STAU2: variants seen among roughly 807,000 people sequenced by gnomAD.
The protein encoded by STAU2 is staufen double-stranded RNA binding protein 2.
Under a neutral mutation model 65.9 loss-of-function variants are expected in STAU2, and 20 were observed. The ratio of observed to expected loss-of-function variants is 0.30; its 90% CI spans 0.21 to 0.44. STAU2 has a LOEUF of 0.44. Among genes scored for constraint, STAU2 ranks in the 20% least tolerant of loss-of-function variants. The pLI is 1.00. For synonymous variants in STAU2, 232 were observed against 233.9 expected (o/e 0.99, Z 0.07); for missense variants, 558 against 683.9 (o/e 0.82, Z 2.05).
chr8:73,690,700 A>G (rs946554231), intron 4 of STAU2, among the ~76,000 whole-genome samples: 9 of 152,156 alleles, frequency 5.9e-5, no homozygotes, highest in Admixed American at 5.9e-4. Flanking sequence ...CGATCGGTGA[A>G]TCTAAACCAT....
intron 6 of STAU2, among the ~76,000 whole-genome samples, chr8:73,640,199 C>T (rs1225193069): frequency 6.6e-6 from 1 of 151,556 alleles, no homozygotes; most frequent in Non-Finnish European, 1.5e-5. Context: ...TAATAATACA[C>T]ATCATATACT....
chr8:73,535,587 G>T (rs368385187), intron 13 of STAU2, among the ~76,000 whole-genome samples: 3 of 152,020 alleles, frequency 2.0e-5, no homozygotes, highest in Admixed American at 6.5e-5. Flanking sequence ...CATTTCCATC[G>T]AAAGAAAACA....
At chr8:73,502,654 C>T (rs1232057140) in intron 13 of STAU2, among the ~76,000 whole-genome samples, 8 of 152,142 alleles carry the variant, frequency 5.3e-5, no homozygotes, top group African/African-American at 1.9e-4. Context: ...TCAAAGGTCA[C>T]CTTCTGCATA....
chr8:73,427,408 G>C (rs1816905044), intron 13 of STAU2, among the ~76,000 whole-genome samples: 1 of 152,114 alleles, frequency 6.6e-6, no homozygotes, highest in South Asian at 2.1e-4. Context: ...TGTTCATCCT[G>C]GTTGTTGACC....
intron 1 of STAU2, among the ~76,000 whole-genome samples, chr8:73,742,945 C>T (rs570261478): frequency 3.3e-5 from 5 of 152,124 alleles, no homozygotes; most frequent in African/African-American, 1.2e-4. Context: ...ACCCATCCTA[C>T]AGTTGATAGG....
At chr8:73,745,794 T>C (rs1040521132) in intron 1 of STAU2, among the ~76,000 whole-genome samples, 24 of 152,048 alleles carry the variant, frequency 1.6e-4, no homozygotes, top group African/African-American at 5.6e-4. Context: ...TATGGACCCT[T>C]ACCAAAGAAA....
intron 13 of STAU2, among the ~76,000 whole-genome samples, chr8:73,453,988 C>T (rs1818934564): frequency 6.6e-6 from 1 of 152,078 alleles, no homozygotes; most frequent in East Asian, 1.9e-4. Context: ...AGCCAGAAAA[C>T]AAATGTACAC....
chr8:73,572,810 T>C (rs1007640706), intron 12 of STAU2, among the ~76,000 whole-genome samples: 34 of 152,140 alleles, frequency 2.2e-4, no homozygotes, highest in Non-Finnish European at 2.1e-4. Context: ...GGGCAAAAAC[T>C]GGAAGCATTC....
At chr8:73,607,270 G>GT (rs1812088766) in intron 9 of STAU2, among the ~76,000 whole-genome samples, 1 of 152,176 alleles carries the variant, frequency 6.6e-6, no homozygotes, top group African/African-American at 2.4e-5. Context: ...CCTAGGGAAG[G>GT]TTGCATGAGG....
intron 5 of STAU2, among the ~76,000 whole-genome samples, chr8:73,679,005 A>G (rs1056537320): frequency 2.0e-5 from 3 of 152,208 alleles, no homozygotes; most frequent in Non-Finnish European, 1.5e-5. Context: ...TACATTTTAG[A>G]GTTATTGTTG....
At chr8:73,511,976 GT>G (rs1585905418) in intron 13 of STAU2, among the ~76,000 whole-genome samples, 2 of 152,104 alleles carry the variant, frequency 1.3e-5, no homozygotes, top group African/African-American at 4.8e-5. Context: ...TCATATGAAT[GT>G]TTTATTTTCC....
At chr8:73,704,005 T>C (rs1448415330) in intron 4 of STAU2, among the ~76,000 whole-genome samples, 1 of 152,214 alleles carries the variant, frequency 6.6e-6, no homozygotes, top group Non-Finnish European at 1.5e-5. Flanking sequence ...CTTTACTACA[T>C]TTCCCTTCCA....
intron 12 of STAU2, among the ~76,000 whole-genome samples, chr8:73,567,412 C>G (rs1422132973): frequency 1.3e-5 from 2 of 152,064 alleles, no homozygotes; most frequent in Non-Finnish European, 2.9e-5. Flanking sequence ...GAGGCTGAGG[C>G]AGAAGAATCA....
At chr8:73,470,236 G>C (rs1819913735) in intron 13 of STAU2, among the ~76,000 whole-genome samples, 1 of 152,174 alleles carries the variant, frequency 6.6e-6, no homozygotes, top group Non-Finnish European at 1.5e-5. Context: ...GTCTCCTTGG[G>C]AAGGCTTCAG....
chr8:73,448,535 G>A (rs1009031972), intron 13 of STAU2, among the ~76,000 whole-genome samples: 1 of 151,860 alleles, frequency 6.6e-6, no homozygotes, highest in African/African-American at 2.4e-5. Context: ...AGCCCGCCTC[G>A]GCCTCCCAAA....
chr8:73,734,592 G>A (rs1419340168), intron 3 of STAU2, among the ~76,000 whole-genome samples: 4 of 152,048 alleles, frequency 2.6e-5, no homozygotes, highest in African/African-American at 9.7e-5. Flanking sequence ...TCAGAAGTTC[G>A]AGACCAGCCT....
intron 13 of STAU2, among the ~76,000 whole-genome samples, chr8:73,442,370 A>G (rs1285446990): frequency 6.6e-6 from 1 of 151,992 alleles, no homozygotes; most frequent in Non-Finnish European, 1.5e-5. Context: ...AAAAAAAAAA[A>G]AAAAATTAAA....
At chr8:73,605,858 C>CAA (rs1278548743) in intron 9 of STAU2, among the ~76,000 whole-genome samples, 366 of 77,474 alleles carry the variant, frequency 4.7e-3, no homozygotes, top group East Asian at 0.017. Context: ...CACACACACA[C>CAA]ACACACACAC....
chr8:73,590,029 T>C (rs939677338), intron 11 of STAU2, among the ~76,000 whole-genome samples: 2 of 128,740 alleles, frequency 1.6e-5, no homozygotes, highest in African/African-American at 3.0e-5. Context: ...AGAAGAACAA[T>C]AGGGAAGGAG....
Sources: gnomAD v4.1 joint callset for allele counts (sites outside exome capture counted in the v4.1 genomes callset) on GRCh38, gnomAD v4.1.1 for gene constraint, MANE v1.5 for transcripts, NCBI Gene and HGNC (gene_info 2026-07-23, HGNC 2026-07-21) for gene names.